The following STPG2 variants were observed in gnomAD, a reference collection of about 807,000 sequenced individuals.
The protein encoded by STPG2 is sperm-tail PG-rich repeat-containing protein 2.
In STPG2, 56 loss-of-function variants were observed where a neutral mutation model predicts 54.2. The ratio of observed to expected loss-of-function variants is 1.03; its 90% CI spans 0.83 to 1.29. STPG2 has a LOEUF of 1.29. Ranked by LOEUF, STPG2 falls within the 50% of genes most tolerant of loss-of-function variation. The pLI, the probability that STPG2 is intolerant of heterozygous loss-of-function variation, is 0.00. For synonymous variants in STPG2, 200 were observed against 181.8 expected (o/e 1.10, Z -0.81); for missense variants, 596 against 544.9 (o/e 1.09, Z -0.93).
rs576444359 is a variant in STPG2 at position 97,480,332 on chromosome 4, C to CA, written c.462+232366dup. On this transcript the variant is annotated intron_variant, in intron 4 of 4. Transcript: ENST00000522676. ...GGTTTACCCATTTAAAAAAAGAAAACAAAAAATGAAATGGGAGGCACAGAT... is the reference window on the plus strand; with the variant it reads ...GGTTTACCCATTTAAAAAAAGAAAACAAAAAAATGAAATGGGAGGCACAGAT... Among the ~76,000 whole-genome samples the CA allele has an allele frequency of 1.8e-3, 278 of 151,294 alleles. 1 individual carries two copies. Among genetic ancestry groups the CA allele is most frequent in the African/African-American group, 6.4e-3 (265 of 41,384 alleles).
At chr4:97,952,064 T>A (rs963711595) in intron 7 of STPG2, among the ~76,000 whole-genome samples, 7 of 152,136 alleles carry the variant, frequency 4.6e-5, no homozygotes, top group African/African-American at 1.7e-4. Flanking sequence ...TTCCTGCTAT[T>A]CCATCAGACA....
At chr4:97,919,448 TA>T (rs35578226) in intron 8 of STPG2, among the ~76,000 whole-genome samples, 1 of 150,378 alleles carries the variant, frequency 6.6e-6, no homozygotes, top group Admixed American at 6.6e-5. Context: ...ACAGAAAAAT[TA>T]AAAAAAAGAA....
intron 5 of STPG2, among the ~76,000 whole-genome samples, chr4:98,094,436 G>A (rs1451601091): frequency 1.3e-5 from 2 of 152,138 alleles, no homozygotes; most frequent in Non-Finnish European, 2.9e-5. Context: ...CCCAGCTGTG[G>A]TGGCTACAGT....
At position 97,733,559 on chromosome 4, in the gene STPG2, A is replaced by G. The variant is rs1442852262; in HGVS notation, c.1205-20745T>C. ...TAATTCATTCGTGTAACAAAAAAAA[A>G]ACACTTGTACCCCAAAAGCTATTAA... On this transcript the variant is annotated intron_variant, in intron 9 of 10. Coordinates refer to ENST00000295268, the MANE Select transcript of STPG2 (RefSeq NM_174952.3). Among the ~76,000 whole-genome samples, 4 of 152,134 alleles carry G rather than the reference A, an allele frequency of 2.6e-5. 1 individual carries two copies. Among genetic ancestry groups the G allele is most frequent in the African/African-American group, 9.7e-5 (4 of 41,422 alleles).
chr4:97,713,389 G>A (rs1284316928), intron 9 of STPG2, among the ~76,000 whole-genome samples: 1 of 152,148 alleles, frequency 6.6e-6, no homozygotes, highest in East Asian at 1.9e-4. Context: ...TCTTACAGAA[G>A]TGACCAGAGG....
At chr4:97,770,232 T>C (rs900429810) in intron 9 of STPG2, among the ~76,000 whole-genome samples, 2 of 151,712 alleles carry the variant, frequency 1.3e-5, no homozygotes, top group African/African-American at 4.8e-5. Context: ...TAAAATAAAA[T>C]ACATGAAAAA....
At chr4:97,597,043 G>A (rs1457319095) in intron 10 of STPG2, among the ~76,000 whole-genome samples, 1 of 151,738 alleles carries the variant, frequency 6.6e-6, no homozygotes, top group African/African-American at 2.4e-5. Flanking sequence ...AAACAGAGAA[G>A]GTCCAAATAA....
At chr4:97,450,855 T>C (rs1405114249) in intron 4 of STPG2, among the ~76,000 whole-genome samples, 1 of 152,234 alleles carries the variant, frequency 6.6e-6, no homozygotes, top group African/African-American at 2.4e-5. Context: ...TTTTCTTGTA[T>C]AAATATTAAA....
intron 10 of STPG2, among the ~76,000 whole-genome samples, chr4:97,648,215 A>G (rs556161403): frequency 6.6e-6 from 1 of 152,242 alleles, no homozygotes; most frequent in East Asian, 1.9e-4. Flanking sequence ...AAGCCATCCC[A>G]GTGTGTGGTG....
chr4:97,657,571 A>C (rs1351449912), intron 10 of STPG2, among the ~76,000 whole-genome samples: 1 of 152,174 alleles, frequency 6.6e-6, no homozygotes, highest in Non-Finnish European at 1.5e-5. Context: ...TCCTAGTCTC[A>C]GGTGGTGAAT....
chr4:98,092,067 T>C (rs1376998006), intron 5 of STPG2, among the ~76,000 whole-genome samples: 1 of 152,046 alleles, frequency 6.6e-6, no homozygotes, highest in East Asian at 1.9e-4. Context: ...TACAAACTAT[T>C]TTACAATAAG....
chr4:97,649,854 C>T (rs531174088), intron 10 of STPG2, among the ~76,000 whole-genome samples: 1 of 152,144 alleles, frequency 6.6e-6, no homozygotes, highest in African/African-American at 2.4e-5. Context: ...ATGATTCGAG[C>T]ACATTACATT....
intron 9 of STPG2, among the ~76,000 whole-genome samples, chr4:97,779,511 G>T (rs879333186): frequency 2.0e-5 from 3 of 152,070 alleles, no homozygotes; most frequent in Non-Finnish European, 4.4e-5. Context: ...CACTCTGCAG[G>T]ATATTATCCA....
chr4:97,779,604 A>G (rs1367839714), intron 9 of STPG2, among the ~76,000 whole-genome samples: 1 of 152,180 alleles, frequency 6.6e-6, no homozygotes. Flanking sequence ...CTCCTCAACA[A>G]GAGCAACTCC....
intron 8 of STPG2, among the ~76,000 whole-genome samples, chr4:97,867,117 AG>A (rs1241132429): frequency 2.0e-5 from 3 of 152,004 alleles, no homozygotes; most frequent in Non-Finnish European, 1.5e-5. Flanking sequence ...TGATCCATTT[AG>A]TACTGACACA....
At chr4:98,140,955 T>C (rs1264948567) in intron 1 of STPG2, among the ~76,000 whole-genome samples, 1 of 152,146 alleles carries the variant, frequency 6.6e-6, no homozygotes, top group Non-Finnish European at 1.5e-5. Flanking sequence ...AATCAGAATA[T>C]GGATAGCAAA....
At chr4:97,684,393 T>A (rs975602692) in intron 10 of STPG2, among the ~76,000 whole-genome samples, 1 of 151,886 alleles carries the variant, frequency 6.6e-6, no homozygotes, top group Admixed American at 6.6e-5. Context: ...CTAAATAAAT[T>A]AATGGAACAG....
intron 9 of STPG2, among the ~76,000 whole-genome samples, chr4:97,777,084 A>G (rs1560523152): frequency 6.6e-6 from 1 of 152,222 alleles, no homozygotes; most frequent in Non-Finnish European, 1.5e-5. Context: ...GTGATGATTA[A>G]TCACTATTAT....
At chr4:97,901,424 C>A (rs1396046726) in intron 8 of STPG2, among the ~76,000 whole-genome samples, 1 of 151,810 alleles carries the variant, frequency 6.6e-6, no homozygotes, top group African/African-American at 2.4e-5. Context: ...CATGTTCTTA[C>A]ATATAGAAAG....
Sources: allele counts gnomAD v4.1 joint callset (sites outside exome capture counted in the v4.1 genomes callset), GRCh38; gene constraint gnomAD v4.1.1; transcripts MANE v1.5; gene names NCBI Gene and HGNC (gene_info 2026-07-23, HGNC 2026-07-21).